ZNF569: variants seen among roughly 807,000 people sequenced by gnomAD.
The protein encoded by ZNF569 is zinc finger protein 569, also known as DNA-binding protein.
Under a neutral mutation model 56.3 loss-of-function variants are expected in ZNF569, and 38 were observed. The ratio of observed to expected loss-of-function variants is 0.68; its 90% CI spans 0.52 to 0.88. The LOEUF (loss-of-function observed/expected upper bound fraction) is 0.88. ZNF569 is among the 40% of genes least tolerant of loss of function. ZNF569 has a pLI of 0.00. For missense variants in ZNF569, 666 were observed against 809.2 expected (o/e 0.82, Z 2.15); for synonymous variants, 241 against 262.9 (o/e 0.92, Z 0.81).
intron 3 of ZNF569, among the ~76,000 whole-genome samples, chr19:37,429,534 G>C (rs888780625): frequency 2.8e-4 from 42 of 152,212 alleles, no homozygotes; most frequent in African/African-American, 1.0e-3. Context: ...GTTCATGCCA[G>C]ATCTGGCCAT....
intron 2 of ZNF569, among the ~76,000 whole-genome samples, chr19:37,445,565 A>G (rs913286746): frequency 2.0e-5 from 3 of 152,200 alleles, no homozygotes; most frequent in African/African-American, 7.2e-5. Context: ...ATTCATCCCA[A>G]AAGCTCCTAG....
intron 2 of ZNF569, among the ~76,000 whole-genome samples, chr19:37,447,750 T>C (rs2041522116): frequency 1.3e-5 from 2 of 152,310 alleles, no homozygotes; most frequent in Middle Eastern, 3.4e-3. Flanking sequence ...AGATGCCCTT[T>C]AGTAAAGGTT....
chr19:37,456,628 A>G (rs1207990741), intron 2 of ZNF569, among the ~76,000 whole-genome samples: 1 of 152,108 alleles, frequency 6.6e-6, no homozygotes, highest in Non-Finnish European at 1.5e-5. Context: ...CTCTAAACAT[A>G]CTTGTATGTA....
chr19:37,430,235 G>A (rs932792617), intron 3 of ZNF569, among the ~76,000 whole-genome samples: 2 of 151,222 alleles, frequency 1.3e-5, no homozygotes, highest in African/African-American at 4.9e-5. Flanking sequence ...ATGTGAGCTA[G>A]AGCAATAAGT....
At position 37,412,951 on chromosome 19, in the gene ZNF569, CAT is replaced by C; in HGVS notation, c.1705_1706del (p.Met569GlufsTer6). ...FSQCSLLNLH[M>X]RSHTGEKPYV... ...AGGGCTTCTCACCTGTGTGACTTCT[CAT>C]ATGTAAATTAAGCAGTGAGCACTGA... On this transcript the variant is annotated frameshift_variant, in exon 6 of 6. Coordinates refer to ENST00000316950, the MANE Select transcript of ZNF569 (RefSeq NM_152484.3). LOFTEE classifies it high-confidence loss of function. 1 of 1,613,614 alleles carries C rather than the reference CAT, an allele frequency of 6.2e-7. No homozygotes were observed. Among genetic ancestry groups the C allele is most frequent in the East Asian group, 2.2e-5 (1 of 44,848 alleles).
At chr19:37,464,424 C>T (rs1214801548) in intron 2 of ZNF569, among the ~76,000 whole-genome samples, 9 of 152,170 alleles carry the variant, frequency 5.9e-5, no homozygotes, top group East Asian at 3.8e-4. Context: ...CTCCTGACCT[C>T]GTGATCCGCC....
Position 37,413,512 on chromosome 19 carries a change from A to G in ZNF569, c.1146T>C (p.Tyr382=), listed in dbSNP as rs1273821267. The change falls in exon 6 of 6, where the codon TAT becomes TAC. Residue 382 remains tyrosine, a synonymous_variant. Coordinates refer to ENST00000316950, the MANE Select transcript of ZNF569 (RefSeq NM_152484.3). The part of the protein sequence containing the change: ...HVRIHTGEKP[Y]ECNECGKAFS... ...AGGCTTTTCCACACTCATTACATTC[A>G]TAGGGTTTTTCACCTGTATGAATTC... 1.9e-6 allele frequency: 3 copies of G among 1,613,354 alleles called. No homozygotes were observed. The highest frequency in any genetic ancestry group is 2.5e-6 in the Non-Finnish European group (3 of 1,179,742).
At chr19:37,455,573 A>T (rs1438733662) in intron 2 of ZNF569, among the ~76,000 whole-genome samples, 1 of 151,892 alleles carries the variant, frequency 6.6e-6, no homozygotes, top group Admixed American at 6.6e-5. Flanking sequence ...CCTAAAACTC[A>T]TTGAAAGCTC....
At chr19:37,415,751 G>C (rs1346703507) in intron 5 of ZNF569, among the ~76,000 whole-genome samples, 1 of 151,442 alleles carries the variant, frequency 6.6e-6, no homozygotes, top group South Asian at 2.1e-4. Flanking sequence ...ATGGTGGCGG[G>C]CACCTCTAGT....
At chr19:37,469,080 G>C, upstream of ZNF569, 1 of 1,026,300 alleles carries the variant, frequency 9.7e-7, no homozygotes, top group Non-Finnish European at 1.2e-6. Flanking sequence ...ACCAGCCCGT[G>C]TAGTGTGACG....
chr19:37,465,996 G>T (rs1386382919), intron 1 of ZNF569, among the ~76,000 whole-genome samples: 2 of 152,192 alleles, frequency 1.3e-5, no homozygotes, highest in Non-Finnish European at 2.9e-5. Context: ...AACAAGAAAG[G>T]TTGGTTACAG....
upstream of ZNF569, chr19:37,469,147 C>A (rs2041906701): frequency 8.9e-7 from 1 of 1,126,698 alleles, no homozygotes; most frequent in African/African-American, 1.6e-5. Flanking sequence ...TCCGGACTTT[C>A]GGGCTCTCTG....
At position 37,412,921 on chromosome 19, in the gene ZNF569, T is replaced by C. The variant is rs1244406698; in HGVS notation, c.1737A>G (p.Val579=). Residue 579 remains valine, a synonymous_variant, in exon 6 of 6, where the codon GTA becomes GTG. Coordinates refer to ENST00000316950, the MANE Select transcript of ZNF569 (RefSeq NM_152484.3). ...MRSHTGEKPY[V]CNECGKAFSQ... ...AGAAGGCTTTCCCACATTCATTACA[T>C]ACATAGGGCTTCTCACCTGTGTGAC... The C allele has an allele frequency of 1.1e-5, 17 of 1,613,236 alleles. No individual in the cohort carries two copies. The highest frequency in any genetic ancestry group is 1.7e-5 in the Admixed American group (1 of 59,952).
Position 37,425,318 on chromosome 19 carries a change from A to ATT in ZNF569, c.238+548_238+549dup, listed in dbSNP as rs770808954. ...AAGCGTATGCCACCACACGTGGCTA[A>ATT]TTTTTTTTTTTTTTTTTTTTTTTGA... On this transcript the variant is annotated intron_variant, in intron 5 of 5. Coordinates refer to ENST00000316950, the MANE Select transcript of ZNF569 (RefSeq NM_152484.3). 2.3e-3 allele frequency among the ~76,000 whole-genome samples: 243 copies of ATT among 104,110 alleles called. 5 individuals carry two copies. Among genetic ancestry groups the ATT allele is most frequent in the East Asian group, 2.4e-3 (8 of 3,378 alleles). The allele number at this position is 104,110 out of a possible 152,430, so 68.3% of individuals were successfully genotyped here.
intron 5 of ZNF569, among the ~76,000 whole-genome samples, chr19:37,416,879 GGTGTTATGGATTGAATT>G (rs2040942565): frequency 2.6e-5 from 4 of 152,094 alleles, no homozygotes; most frequent in African/African-American, 9.7e-5. Context: ...CAAATAGAAT[GGTGTTATGGATTGAATT>G]GTGTTATGGA....
At chr19:37,428,674 T>A (rs1056265443) in intron 3 of ZNF569, among the ~76,000 whole-genome samples, 2 of 136,118 alleles carry the variant, frequency 1.5e-5, no homozygotes, top group Non-Finnish European at 3.2e-5. Context: ...TGTGGTTGAA[T>A]TTTTTTTTTT....
At chr19:37,434,934 G>A (rs1420040988) in intron 3 of ZNF569, among the ~76,000 whole-genome samples, 3 of 152,020 alleles carry the variant, frequency 2.0e-5, no homozygotes, top group Admixed American at 6.6e-5. Context: ...GACTCAGCCC[G>A]CCTGCACCCA....
At chr19:37,432,248 T>C (rs1351600464) in intron 3 of ZNF569, among the ~76,000 whole-genome samples, 2 of 152,200 alleles carry the variant, frequency 1.3e-5, no homozygotes, top group Admixed American at 1.3e-4. Context: ...TGGCTTCGTC[T>C]GACCCAGCGC....
At chr19:37,456,620 C>G (rs2041674211) in intron 2 of ZNF569, among the ~76,000 whole-genome samples, 1 of 152,100 alleles carries the variant, frequency 6.6e-6, no homozygotes, top group Non-Finnish European at 1.5e-5. Context: ...CTAGTTCACT[C>G]TAAACATACT....
Sources: allele counts gnomAD v4.1 joint callset (sites outside exome capture counted in the v4.1 genomes callset), GRCh38; gene constraint gnomAD v4.1.1; transcripts MANE v1.5; gene names NCBI Gene and HGNC (gene_info 2026-07-23, HGNC 2026-07-21).